The following ZBTB7C variants were observed in gnomAD, a reference collection of about 807,000 sequenced individuals.
The protein encoded by ZBTB7C is zinc finger and BTB domain-containing protein 7C.
A neutral mutation model predicts 25.7 loss-of-function variants in ZBTB7C; 8 were observed. The ratio of observed to expected loss-of-function variants is 0.31; its 90% CI spans 0.18 to 0.56. The LOEUF (loss-of-function observed/expected upper bound fraction) is 0.56, where lower values mean the gene tolerates loss of function less well. Among genes scored for constraint, ZBTB7C ranks in the 20% least tolerant of loss-of-function variants. ZBTB7C has a pLI of 0.91. For synonymous variants in ZBTB7C, 394 were observed against 369.0 expected (o/e 1.07, Z -0.78); for missense variants, 824 against 855.2 (o/e 0.96, Z 0.46).
chr18:48,324,236 A>T (rs942557483), intron 2 of ZBTB7C, among the ~76,000 whole-genome samples: 19 of 152,198 alleles, frequency 1.2e-4, no homozygotes, highest in Admixed American at 8.5e-4. Context: ...CCAGAGGGCC[A>T]GGGAATGGAC....
At chr18:48,051,788 C>T (rs144123433) in intron 3 of ZBTB7C, among the ~76,000 whole-genome samples, 44 of 152,300 alleles carry the variant, frequency 2.9e-4, no homozygotes, top group Non-Finnish European at 5.1e-4. Flanking sequence ...TGGCGGGACA[C>T]ACCAATGGAG....
At chr18:48,209,900 A>T (rs928262969) in intron 2 of ZBTB7C, among the ~76,000 whole-genome samples, 7 of 152,224 alleles carry the variant, frequency 4.6e-5, no homozygotes, top group African/African-American at 1.7e-4. Flanking sequence ...CTTGGTAGAA[A>T]ATATTTGAAA....
intron 2 of ZBTB7C, among the ~76,000 whole-genome samples, chr18:48,313,604 A>G (rs1175445765): frequency 6.6e-6 from 1 of 152,208 alleles, no homozygotes; most frequent in Non-Finnish European, 1.5e-5. Context: ...CTAGAAATGT[A>G]GAGTCTCTGC....
At chr18:48,271,452 TC>T (rs1325818968) in intron 2 of ZBTB7C, among the ~76,000 whole-genome samples, 2 of 149,920 alleles carry the variant, frequency 1.3e-5, no homozygotes, top group African/African-American at 2.4e-5. Context: ...TATACATATA[TC>T]AATAAACTGT....
chr18:48,146,099 T>A (rs1292087494), intron 3 of ZBTB7C, among the ~76,000 whole-genome samples: 1 of 152,224 alleles, frequency 6.6e-6, no homozygotes, highest in East Asian at 1.9e-4. Flanking sequence ...ATGCATGTGT[T>A]GTAAAAATAG....
chr18:48,361,316 G>A (rs1223651170), intron 1 of ZBTB7C, among the ~76,000 whole-genome samples: 1 of 152,110 alleles, frequency 6.6e-6, no homozygotes, highest in African/African-American at 2.4e-5. Context: ...TATAAGACAG[G>A]CACTAATATT....
At chr18:48,099,305 G>T (rs969674287) in intron 3 of ZBTB7C, among the ~76,000 whole-genome samples, 1 of 152,172 alleles carries the variant, frequency 6.6e-6, no homozygotes, top group Non-Finnish European at 1.5e-5. Flanking sequence ...AAAATGTGAC[G>T]CATGTTGTCT....
intron 2 of ZBTB7C, among the ~76,000 whole-genome samples, chr18:48,270,413 T>C (rs1243196543): frequency 3.3e-5 from 5 of 151,470 alleles, no homozygotes; most frequent in African/African-American, 4.8e-5. Context: ...TGTATTTTTA[T>C]GGCTGGACGC....
chr18:48,412,229 G>A (rs62086555), upstream of ZBTB7C, among the ~76,000 whole-genome samples: 767 of 152,258 alleles, frequency 5.0e-3, 1 homozygote, highest in Non-Finnish European at 9.2e-3. Flanking sequence ...ATTAGTTATG[G>A]TGATAAACTC....
intron 2 of ZBTB7C, among the ~76,000 whole-genome samples, chr18:48,333,371 T>C (rs2046384364): frequency 6.6e-6 from 1 of 151,682 alleles, no homozygotes; most frequent in South Asian, 2.1e-4. Context: ...CATAATTCTC[T>C]CAAATCTTTA....
intron 1 of ZBTB7C, among the ~76,000 whole-genome samples, chr18:48,369,460 G>A (rs7231266): frequency 0.85 from 128,740 of 152,144 alleles, 54,836 homozygotes; most frequent in East Asian, 0.97. Flanking sequence ...ACATGTAAAT[G>A]ATCTAAAGAT....
chr18:48,038,904 C>G (rs941562332), intron 4 of ZBTB7C, among the ~76,000 whole-genome samples: 4 of 152,134 alleles, frequency 2.6e-5, no homozygotes, highest in African/African-American at 4.8e-5. Flanking sequence ...GAGCCCTCCC[C>G]ACCTGTGGAC....
intron 1 of ZBTB7C, among the ~76,000 whole-genome samples, chr18:48,367,347 C>CACAT (rs372363765): frequency 6.9e-4 from 31 of 44,800 alleles, no homozygotes; most frequent in Non-Finnish European, 1.4e-3. Context: ...TATATGTGTG[C>CACAT]ATATATATAT....
intron 3 of ZBTB7C, among the ~76,000 whole-genome samples, chr18:48,112,926 T>C (rs1242661471): frequency 4.6e-5 from 7 of 152,184 alleles, no homozygotes; most frequent in African/African-American, 1.4e-4. Context: ...GTGTGGTCTC[T>C]CAAATGCTTA....
At chr18:48,112,575 T>C (rs1357977058) in intron 3 of ZBTB7C, among the ~76,000 whole-genome samples, 1 of 152,176 alleles carries the variant, frequency 6.6e-6, no homozygotes, top group African/African-American at 2.4e-5. Flanking sequence ...CTTGAACTCC[T>C]GAACTCTTGA....
intron 3 of ZBTB7C, among the ~76,000 whole-genome samples, chr18:48,101,794 A>T (rs909242260): frequency 1.3e-5 from 2 of 152,174 alleles, no homozygotes; most frequent in African/African-American, 4.8e-5. Context: ...TCTCTCATTC[A>T]TTCTAAATTC....
chr18:48,059,062 G>A (rs2037028308), intron 3 of ZBTB7C, among the ~76,000 whole-genome samples: 1 of 152,230 alleles, frequency 6.6e-6, no homozygotes, highest in African/African-American at 2.4e-5. Flanking sequence ...TCATGTGGAT[G>A]AGAGATGTTT....
At chr18:48,309,635 T>A (rs1246243047) in intron 2 of ZBTB7C, among the ~76,000 whole-genome samples, 2 of 152,190 alleles carry the variant, frequency 1.3e-5, no homozygotes. Flanking sequence ...ACTATCCCCA[T>A]AGCTATCATA....
intron 3 of ZBTB7C, among the ~76,000 whole-genome samples, chr18:48,133,145 G>A (rs911809272): frequency 1.3e-5 from 2 of 152,252 alleles, no homozygotes; most frequent in Non-Finnish European, 2.9e-5. Flanking sequence ...GGTCATGCAA[G>A]CTTTCCTGTT....
Sources: allele counts gnomAD v4.1 joint callset (sites outside exome capture counted in the v4.1 genomes callset), GRCh38; gene constraint gnomAD v4.1.1; transcripts MANE v1.5; gene names NCBI Gene and HGNC (gene_info 2026-07-23, HGNC 2026-07-21).